The following GRM8 variants were observed in gnomAD, a reference collection of about 807,000 sequenced individuals.
GRM8 encodes glutamate metabotropic receptor 8, also known as metabotropic glutamate receptor 8.
Under a neutral mutation model 87.2 loss-of-function variants are expected in GRM8, and 47 were observed. The observed-to-expected ratio is 0.54, with a 90% confidence interval of 0.43 to 0.69. The LOEUF (loss-of-function observed/expected upper bound fraction) is 0.69, where lower values mean the gene tolerates loss of function less well. GRM8 is among the 30% of genes least tolerant of loss of function. The pLI is 0.00. For synonymous variants in GRM8, 396 were observed against 404.5 expected, an observed-to-expected ratio of 0.98 and a Z score of 0.25; for missense variants, 1,019 against 1,139.2, an observed-to-expected ratio of 0.89 and a Z score of 1.52.
At chr7:126,760,918 C>A (rs566850134) in intron 7 of GRM8, among the ~76,000 whole-genome samples, 2 of 151,980 alleles carry the variant, frequency 1.3e-5, no homozygotes, top group African/African-American at 4.8e-5. Context: ...TAGATGAGGG[C>A]GGGCTCGATG....
intron 6 of GRM8, among the ~76,000 whole-genome samples, chr7:126,857,018 A>C (rs190013241): frequency 2.6e-4 from 40 of 152,338 alleles, no homozygotes; most frequent in Non-Finnish European, 4.9e-4. Flanking sequence ...TTGTAATTGC[A>C]TGGTACATTT....
At chr7:127,165,190 A>ATATG (rs1793377367) in intron 2 of GRM8, among the ~76,000 whole-genome samples, 2 of 105,736 alleles carry the variant, frequency 1.9e-5, no homozygotes, top group African/African-American at 7.3e-5. Flanking sequence ...ATATATATAT[A>ATATG]TATTCAGGTT....
intron 7 of GRM8, among the ~76,000 whole-genome samples, chr7:126,700,910 TA>T (rs1175053467): frequency 6.6e-6 from 1 of 152,098 alleles, no homozygotes; most frequent in African/African-American, 2.4e-5. Flanking sequence ...TGCATCCTGA[TA>T]AAGAACAGTA....
chr7:126,971,293 G>A (rs1431564790), intron 3 of GRM8, among the ~76,000 whole-genome samples: 6 of 151,748 alleles, frequency 4.0e-5, no homozygotes, highest in African/African-American at 1.5e-4. Context: ...ATATATACAG[G>A]GACTGGGTGG....
intron 3 of GRM8, among the ~76,000 whole-genome samples, chr7:126,993,944 G>A (rs1318276640): frequency 6.6e-6 from 1 of 152,194 alleles, no homozygotes; most frequent in Non-Finnish European, 1.5e-5. Flanking sequence ...AAGTCCTGAT[G>A]CTGTGCTGGA....
chr7:127,181,637 T>A (rs999881914), intron 2 of GRM8, among the ~76,000 whole-genome samples: 2 of 151,894 alleles, frequency 1.3e-5, no homozygotes, highest in Non-Finnish European at 2.9e-5. Flanking sequence ...GGTACTGGTA[T>A]AAAAATAGGC....
Position 127,143,221 on chromosome 7 carries a change from G to A in GRM8, c.511-36509C>T, listed in dbSNP as rs573475552. 9.2e-4 allele frequency among the ~76,000 whole-genome samples: 140 copies of A among 152,208 alleles called. 2 individuals are homozygous for A. The highest frequency in any genetic ancestry group is 1.5e-3 in the Admixed American group (23 of 15,284). ...TTGGAAGGGAAGGAAAACAGCAAACGAATGAGCTCTTGGTGGATATTTCCT... is the reference window on the plus strand; with the variant it reads ...TTGGAAGGGAAGGAAAACAGCAAACAAATGAGCTCTTGGTGGATATTTCCT... On this transcript the variant is annotated intron_variant, in intron 2 of 10. Coordinates refer to ENST00000339582, the MANE Select transcript of GRM8 (RefSeq NM_000845.3).
intron 8 of GRM8, among the ~76,000 whole-genome samples, chr7:126,602,859 G>A (rs1244146307): frequency 7.5e-6 from 1 of 132,956 alleles, no homozygotes; most frequent in African/African-American, 2.6e-5. Context: ...AATAGAAAAA[G>A]AGGGAATCCT....
chr7:126,506,574 G>A (rs755522432), intron 9 of GRM8, among the ~76,000 whole-genome samples: 1 of 151,990 alleles, frequency 6.6e-6, no homozygotes, highest in Non-Finnish European at 1.5e-5. Context: ...GAGGTCAGGA[G>A]TTTGAGACCA....
At chr7:127,059,839 G>T (rs1025943414) in intron 3 of GRM8, among the ~76,000 whole-genome samples, 6 of 152,160 alleles carry the variant, frequency 3.9e-5, no homozygotes, top group Non-Finnish European at 7.3e-5. Flanking sequence ...AAAGCCACTT[G>T]TACTTTCTTG....
intron 7 of GRM8, among the ~76,000 whole-genome samples, chr7:126,610,984 T>G (rs917582445): frequency 8.5e-5 from 13 of 152,244 alleles, no homozygotes; most frequent in African/African-American, 3.1e-4. Context: ...ACAACTTGTG[T>G]ATGTCCCTTT....
chr7:127,243,270 C>A lies in GRM8; in HGVS notation c.-66G>T, dbSNP rs910417636. ...ATTCTTGCCACAGAAGAAAGGGCAC[C>A]ACCTGAGGCTGCACCTTCTGGAGGC... On this transcript the variant is annotated 5_prime_UTR_variant, in exon 2 of 11. Coordinates refer to ENST00000339582, the MANE Select transcript of GRM8 (RefSeq NM_000845.3). 1 of 1,437,508 alleles carries A rather than the reference C, an allele frequency of 7.0e-7. No homozygotes were observed. Among genetic ancestry groups the A allele is most frequent in the Admixed American group, 1.9e-5 (1 of 53,382 alleles). The allele number at this position is 1,437,508 out of a possible 1,614,324, so 89.0% of individuals were successfully genotyped here.
At chr7:127,025,512 C>G (rs571762004) in intron 3 of GRM8, among the ~76,000 whole-genome samples, 1 of 152,252 alleles carries the variant, frequency 6.6e-6, no homozygotes, top group East Asian at 1.9e-4. Flanking sequence ...GGAGCTGCCT[C>G]TCTTTTAGTC....
intron 3 of GRM8, among the ~76,000 whole-genome samples, chr7:126,923,033 C>T (rs1337702291): frequency 6.6e-6 from 1 of 151,990 alleles, no homozygotes; most frequent in African/African-American, 2.4e-5. Flanking sequence ...TTCTTTATAC[C>T]AATGCAAGAA....
At chr7:126,554,969 C>G (rs1480162561) in intron 8 of GRM8, among the ~76,000 whole-genome samples, 1 of 152,062 alleles carries the variant, frequency 6.6e-6, no homozygotes, top group Non-Finnish European at 1.5e-5. Flanking sequence ...ATTTGTGGCA[C>G]AGAAATTCCT....
chr7:126,874,395 C>T (rs1462138229), intron 6 of GRM8, among the ~76,000 whole-genome samples: 2 of 152,026 alleles, frequency 1.3e-5, no homozygotes, highest in African/African-American at 4.8e-5. Flanking sequence ...CGAAGAGGCT[C>T]AGATCCTGAC....
At chr7:126,846,322 A>T (rs1006425028) in intron 6 of GRM8, among the ~76,000 whole-genome samples, 7 of 152,234 alleles carry the variant, frequency 4.6e-5, no homozygotes, top group Admixed American at 2.0e-4. Flanking sequence ...AATGTAGGAG[A>T]AGATGATTCC....
At chr7:126,695,122 T>A (rs1053185266) in intron 7 of GRM8, among the ~76,000 whole-genome samples, 1 of 152,202 alleles carries the variant, frequency 6.6e-6, no homozygotes, top group African/African-American at 2.4e-5. Context: ...TGGGAGGGAC[T>A]GAGATGCCTA....
At chr7:127,247,896 C>T (rs182649577) in intron 1 of GRM8, among the ~76,000 whole-genome samples, 31 of 152,220 alleles carry the variant, frequency 2.0e-4, no homozygotes, top group Non-Finnish European at 5.9e-5. Context: ...GACTTTTTTT[C>T]ATCAGTGAGA....
Sources: gnomAD v4.1 joint callset for allele counts (sites outside exome capture counted in the v4.1 genomes callset) on GRCh38, gnomAD v4.1.1 for gene constraint, MANE v1.5 for transcripts, NCBI Gene and HGNC (gene_info 2026-07-23, HGNC 2026-07-21) for gene names.